ACOXL: variants seen among roughly 807,000 people sequenced by gnomAD.
The protein encoded by ACOXL is acyl-CoA oxidase like.
In ACOXL, 70 loss-of-function variants were observed where a neutral mutation model predicts 71.9. That is an observed-to-expected ratio of 0.97 (90% CI 0.80 to 1.19). The LOEUF is 1.19. Ranked by LOEUF, ACOXL falls within the 50% of genes most tolerant of loss-of-function variation. ACOXL has a pLI of 0.00. For synonymous variants in ACOXL, 253 were observed against 281.6 expected (o/e 0.90, Z 1.02); for missense variants, 703 against 736.3 (o/e 0.95, Z 0.52).
intron 10 of ACOXL, among the ~76,000 whole-genome samples, chr2:110,906,748 G>A (rs371370980): frequency 3.9e-5 from 6 of 152,154 alleles, no homozygotes; most frequent in East Asian, 1.9e-4. Context: ...CTCTCTGCAC[G>A]TGCCGCCTTT....
At chr2:110,973,357 A>G (rs1403580781) in intron 12 of ACOXL, among the ~76,000 whole-genome samples, 1 of 152,168 alleles carries the variant, frequency 6.6e-6, no homozygotes, top group Admixed American at 6.5e-5. Flanking sequence ...ACCTACCAAG[A>G]TGATGGTATA....
Position 110,853,929 on chromosome 2 carries a change from T to A in ACOXL, c.788+12524T>A, listed in dbSNP as rs560045261. On this transcript the variant is annotated intron_variant, in intron 10 of 17. Transcript: ENST00000439055. ...AGGACACTTGTTTTTTTTTTTTTTT[T>A]AATTTCAATTGAATATAGATTAATT... is the stretch of plus-strand genomic sequence containing the variant. 2.1e-4 allele frequency among the ~76,000 whole-genome samples: 29 copies of A among 139,834 alleles called. 1 individual carries two copies. The South Asian group carries it at 5.1e-3, about 25-fold the overall frequency. 91.7% of individuals were successfully genotyped at this position (139,834 alleles called of 152,430 possible).
At chr2:111,106,039 T>C (rs1464655876) in intron 17 of ACOXL, among the ~76,000 whole-genome samples, 1 of 152,232 alleles carries the variant, frequency 6.6e-6, no homozygotes, top group Non-Finnish European at 1.5e-5. Context: ...CGTGAATTTG[T>C]TGCTTTATCT....
chr2:110,995,497 C>G (rs1156656871), intron 13 of ACOXL, among the ~76,000 whole-genome samples: 1 of 2,188 alleles, frequency 4.6e-4, no homozygotes, highest in African/African-American at 0.011. Context: ...GAGACTCTGT[C>G]TCAAAAAAAA....
intron 16 of ACOXL, among the ~76,000 whole-genome samples, chr2:111,049,686 T>G (rs1024669109): frequency 4.6e-5 from 7 of 152,210 alleles, no homozygotes; most frequent in African/African-American, 7.2e-5. Context: ...TTCCTACTTT[T>G]GGCACCTTAA....
intron 1 of ACOXL, among the ~76,000 whole-genome samples, chr2:110,746,765 T>A (rs750854910): frequency 8.5e-5 from 13 of 152,284 alleles, no homozygotes; most frequent in Non-Finnish European, 1.2e-4. Flanking sequence ...ACTAGGCCCC[T>A]GCTTAAATAG....
intron 9 of ACOXL, among the ~76,000 whole-genome samples, chr2:110,838,355 T>C (rs1690715303): frequency 6.6e-6 from 1 of 151,826 alleles, no homozygotes; most frequent in Non-Finnish European, 1.5e-5. Context: ...GCTGTGTGTG[T>C]GTGCGTGTGT....
chr2:110,886,693 T>A, intron 10 of ACOXL: 1 of 1,518,364 alleles, frequency 6.6e-7, no homozygotes, highest in Non-Finnish European at 8.9e-7. Context: ...CCTATCCTTC[T>A]GAATGCCAAG....
At chr2:110,805,531 G>A (rs1253790438) in intron 9 of ACOXL, 136 bp downstream of exon 9, 1 of 1,252,052 alleles carries the variant, frequency 8.0e-7, no homozygotes, top group Non-Finnish European at 1.1e-6. Context: ...TAGATGCTGG[G>A]GAGTGCCAGG....
chr2:110,894,250 T>C (rs1329508731), intron 10 of ACOXL, among the ~76,000 whole-genome samples: 3 of 150,908 alleles, frequency 2.0e-5, no homozygotes, highest in South Asian at 4.2e-4. Flanking sequence ...AATAGAGAGC[T>C]CTCTGGTTTT....
intron 9 of ACOXL, among the ~76,000 whole-genome samples, chr2:110,832,826 A>G (rs970747394): frequency 6.6e-6 from 1 of 152,364 alleles, no homozygotes; most frequent in Admixed American, 6.5e-5. Flanking sequence ...ACATGAAAAG[A>G]TGTTTAACAT....
rs528258346 is a variant in ACOXL at position 110,769,775 on chromosome 2, G to A, written c.75+1311G>A. ...CCTTGAACCAGGAGGCGGAGGTTGC[G>A]GTGAGCTGAGATTGCGCCACTGCAC... On this transcript the variant is annotated intron_variant, in intron 2 of 17. Transcript: ENST00000439055. 3.0e-3 allele frequency among the ~76,000 whole-genome samples: 462 copies of A among 152,090 alleles called. 3 individuals carry two copies. Among genetic ancestry groups the A allele is most frequent in the Middle Eastern group, 0.01 (3 of 294 alleles).
At chr2:110,898,936 A>G (rs2059122561) in intron 10 of ACOXL, among the ~76,000 whole-genome samples, 1 of 152,234 alleles carries the variant, frequency 6.6e-6, no homozygotes, top group Admixed American at 6.5e-5. Context: ...ATATTTGTAT[A>G]TACCGGTGAT....
rs550705383 is a variant in ACOXL, at chr2:110,781,835, A to T, written c.76-2897A>T. Among the ~76,000 whole-genome samples the T allele has an allele frequency of 6.6e-5, 10 of 152,210 alleles. No individual in the cohort carries two copies. The South Asian group carries it at 1.9e-3, about 28-fold the overall frequency. On this transcript the variant is annotated intron_variant, in intron 2 of 17. Transcript: ENST00000439055. ...CTACACATCCAACCTATTCTGAATC[A>T]TGGCGGTTTTAGTTGAGGAGTATAT...
intron 9 of ACOXL, among the ~76,000 whole-genome samples, chr2:110,841,019 C>T (rs1691108755): frequency 6.6e-6 from 1 of 152,202 alleles, no homozygotes; most frequent in South Asian, 2.1e-4. Flanking sequence ...GCGTGTTCTC[C>T]TAATGCCAAC....
intron 17 of ACOXL, chr2:111,100,865 G>A (rs530898663): frequency 6.5e-6 from 1 of 152,806 alleles, no homozygotes; most frequent in East Asian, 1.9e-4. Flanking sequence ...AGGAGGCCAA[G>A]GAGGGCCTGC....
rs201364231 is a variant in ACOXL, at chr2:111,078,550, C to A, written c.1441-14315C>A. Among the ~76,000 whole-genome samples the A allele has an allele frequency of 3.9e-5, 6 of 152,310 alleles. No homozygotes were observed. The East Asian group carries it at 1.2e-3, about 29-fold the overall frequency. On this transcript the variant is annotated intron_variant, in intron 16 of 17. Coordinates refer to ENST00000439055, the MANE Select transcript of ACOXL (RefSeq NM_001142807.4). Reference sequence around the variant, plus strand: ...AAATGCTGGGATTACAGGTGTGAGCCACCACACCTAGCCTGTATTTTCTAT... The same window carrying A: ...AAATGCTGGGATTACAGGTGTGAGCAACCACACCTAGCCTGTATTTTCTAT...
intron 10 of ACOXL, among the ~76,000 whole-genome samples, chr2:110,896,087 A>G (rs908868968): frequency 6.6e-6 from 1 of 152,156 alleles, no homozygotes; most frequent in African/African-American, 2.4e-5. Context: ...ATTTAAGACA[A>G]TTATACACAG....
chr2:111,052,787 G>T (rs2066356536), intron 16 of ACOXL, among the ~76,000 whole-genome samples: 1 of 152,040 alleles, frequency 6.6e-6, no homozygotes, highest in Admixed American at 6.6e-5. Context: ...GTGACTCCAG[G>T]TGTCACCTGA....
Sources: gnomAD v4.1 joint callset for allele counts (sites outside exome capture counted in the v4.1 genomes callset) on GRCh38, gnomAD v4.1.1 for gene constraint, MANE v1.5 for transcripts, NCBI Gene and HGNC (gene_info 2026-07-23, HGNC 2026-07-21) for gene names.